The following CACNA2D3 variants were observed in gnomAD, a reference collection of about 807,000 sequenced individuals.
The protein encoded by CACNA2D3 is voltage-dependent calcium channel subunit alpha-2/delta-3.
CACNA2D3 carries 60 observed loss-of-function variants against 160.6 expected under a neutral mutation model. The observed-to-expected ratio is 0.37, with a 90% confidence interval of 0.30 to 0.46. The LOEUF (loss-of-function observed/expected upper bound fraction) is 0.46. CACNA2D3 is among the 20% of genes least tolerant of loss of function. The pLI, the probability that CACNA2D3 is intolerant of heterozygous loss-of-function variation, is 1.00. For missense variants in CACNA2D3, 1,205 were observed against 1,365.0 expected (o/e 0.88, Z 1.85); for synonymous variants, 558 against 492.9 (o/e 1.13, Z -1.75).
rs530306080 is a variant in CACNA2D3, at chr3:54,196,207, C to G, written c.204+72613C>G. Among the ~76,000 whole-genome samples the G allele has an allele frequency of 4.3e-4, 66 of 152,252 alleles. 2 individuals are homozygous for G. In the South Asian group the frequency reaches 0.013, roughly 31 times the overall value. ...TTCTAAACCATTTGCCTTTGATTCTCTTTTATATTATAGGTTGGACATACT... is the reference window on the plus strand; with the variant it reads ...TTCTAAACCATTTGCCTTTGATTCTGTTTTATATTATAGGTTGGACATACT... On this transcript the variant is annotated intron_variant, in intron 2 of 37. Transcript: ENST00000474759.
Position 54,905,870 on chromosome 3 carries a change from T to C in CACNA2D3, c.2449+6002T>C, listed in dbSNP as rs541115831. On this transcript the variant is annotated intron_variant, in intron 27 of 37. Coordinates refer to ENST00000474759, the MANE Select transcript of CACNA2D3 (RefSeq NM_018398.3). Reference sequence around the variant, plus strand: ...TGCTTTCAAATTCAGTGTTTTTCCTTATAGACTAACAATCTTGATTCATTT... The same window carrying C: ...TGCTTTCAAATTCAGTGTTTTTCCTCATAGACTAACAATCTTGATTCATTT... Among the ~76,000 whole-genome samples the C allele has an allele frequency of 7.4e-4, 112 of 152,326 alleles. 1 individual carries two copies. Among genetic ancestry groups the C allele is most frequent in the South Asian group, 6.4e-3 (31 of 4,826 alleles).
At chr3:54,897,509 T>A (rs543782331) in intron 26 of CACNA2D3, among the ~76,000 whole-genome samples, 2 of 152,334 alleles carry the variant, frequency 1.3e-5, no homozygotes, top group East Asian at 3.9e-4. Context: ...CGTATTTTTT[T>A]TTTCTCTTGC....
At position 54,310,614 on chromosome 3, in the gene CACNA2D3, A is replaced by G. The variant is rs1265762362; in HGVS notation, c.205-9828A>G. On this transcript the variant is annotated intron_variant, in intron 2 of 37. Coordinates refer to ENST00000474759, the MANE Select transcript of CACNA2D3 (RefSeq NM_018398.3). The stretch of plus-strand genomic sequence containing the variant: ...CTTGTGAATGTATTAGAAAAATGCC[A>G]TTGCCCAGAGCAACATCGGGAGCTA... 3.3e-5 allele frequency among the ~76,000 whole-genome samples: 5 copies of G among 152,176 alleles called. No individual in the cohort carries two copies. The East Asian group carries it at 9.6e-4, about 29-fold the overall frequency.
At chr3:54,475,972 C>G (rs1250849037) in intron 4 of CACNA2D3, among the ~76,000 whole-genome samples, 2 of 151,336 alleles carry the variant, frequency 1.3e-5, no homozygotes. Context: ...AAGTGTGTAT[C>G]CTTTGACCAA....
chr3:54,830,879 A>C lies in CACNA2D3; in HGVS notation c.1399-6280A>C, dbSNP rs372339881. On this transcript the variant is annotated intron_variant, in intron 14 of 37. Transcript: ENST00000474759. ...ACCCTAATGGCCACTAGATGGTGGC[A>C]GTGTCTTTTCATAGAGTGCAGGTTG... Among the ~76,000 whole-genome samples, 17 of 152,280 alleles carry C rather than the reference A, an allele frequency of 1.1e-4. No homozygotes were observed. In the East Asian group the frequency reaches 2.1e-3, roughly 19 times the overall value.
intron 17 of CACNA2D3, among the ~76,000 whole-genome samples, chr3:54,860,439 T>C (rs774539903): frequency 3.3e-5 from 5 of 152,302 alleles, no homozygotes; most frequent in Middle Eastern, 6.8e-3. Flanking sequence ...CTGGGACTTT[T>C]ATCTGACTCC....
chr3:54,808,807 T>G (rs1703203982), intron 13 of CACNA2D3, among the ~76,000 whole-genome samples: 1 of 152,142 alleles, frequency 6.6e-6, no homozygotes, highest in African/African-American at 2.4e-5. Context: ...GATGCAGCAG[T>G]GGCTCAGTGA....
chr3:54,198,826 G>A (rs1179101846), intron 2 of CACNA2D3, among the ~76,000 whole-genome samples: 1 of 152,258 alleles, frequency 6.6e-6, no homozygotes, highest in Non-Finnish European at 1.5e-5. Context: ...AGGTCTGGTC[G>A]GCACAGGCCA....
At chr3:54,459,242 G>C (rs1264706782) in intron 4 of CACNA2D3, among the ~76,000 whole-genome samples, 1 of 151,716 alleles carries the variant, frequency 6.6e-6, no homozygotes, top group Admixed American at 6.6e-5. Context: ...ATGTGTGCAT[G>C]TGTCTTTATA....
chr3:54,994,932 C>T (rs1178276290), intron 31 of CACNA2D3, among the ~76,000 whole-genome samples: 1 of 152,072 alleles, frequency 6.6e-6, no homozygotes, highest in Non-Finnish European at 1.5e-5. Flanking sequence ...CATATTTGCT[C>T]TGCCTTAAGA....
chr3:54,417,971 G>A (rs1699782196), intron 4 of CACNA2D3, among the ~76,000 whole-genome samples: 1 of 152,124 alleles, frequency 6.6e-6, no homozygotes, highest in African/African-American at 2.4e-5. Flanking sequence ...ATTTGTAATA[G>A]GAGACAGGGT....
intron 2 of CACNA2D3, among the ~76,000 whole-genome samples, chr3:54,269,140 G>A (rs1702571198): frequency 6.6e-6 from 1 of 152,114 alleles, no homozygotes; most frequent in African/African-American, 2.4e-5. Context: ...ACCACAGTTT[G>A]GGGCCTGGAT....
intron 2 of CACNA2D3, among the ~76,000 whole-genome samples, chr3:54,298,072 C>CGTAAGCCAAAGAGTATATACCAGTGTG (rs1406553886): frequency 1.3e-5 from 2 of 152,204 alleles, no homozygotes; most frequent in Admixed American, 1.3e-4. Context: ...GATGAATGAG[C>CGTAAGCCAAAGAGTATATACCAGTGTG]GTAAGCCAAA....
chr3:54,403,278 C>A, intron 4 of CACNA2D3, among the ~76,000 whole-genome samples: 1 of 151,538 alleles, frequency 6.6e-6, no homozygotes, highest in African/African-American at 2.4e-5. Context: ...TGGCTTAAAC[C>A]TGGGAGGCAG....
At chr3:54,939,282 A>G (rs1701401486) in intron 27 of CACNA2D3, among the ~76,000 whole-genome samples, 1 of 152,200 alleles carries the variant, frequency 6.6e-6, no homozygotes, top group South Asian at 2.1e-4. Context: ...TACTAAAGAG[A>G]AAATTGAAAC....
At chr3:54,185,424 T>C (rs1024931836) in intron 2 of CACNA2D3, among the ~76,000 whole-genome samples, 4 of 152,234 alleles carry the variant, frequency 2.6e-5, no homozygotes, top group African/African-American at 9.6e-5. Flanking sequence ...TGCTTAATTT[T>C]ACCCTGGCAT....
intron 2 of CACNA2D3, among the ~76,000 whole-genome samples, chr3:54,287,978 A>G (rs1032814054): frequency 2.1e-4 from 32 of 151,846 alleles, no homozygotes; most frequent in South Asian, 6.3e-4. Flanking sequence ...AAAGCAGGAA[A>G]GATCCAAAAT....
intron 5 of CACNA2D3, among the ~76,000 whole-genome samples, chr3:54,513,915 CA>C (rs1056199010): frequency 1.3e-5 from 2 of 152,140 alleles, no homozygotes; most frequent in African/African-American, 4.8e-5. Flanking sequence ...TCAAGTGATC[CA>C]CCTGCCTTGG....
chr3:54,496,425 T>C (rs191605117), intron 4 of CACNA2D3, among the ~76,000 whole-genome samples: 2 of 152,318 alleles, frequency 1.3e-5, no homozygotes, highest in Admixed American at 1.3e-4. Context: ...CACATGTTGG[T>C]CTGCGGATTG....
Sources: allele counts gnomAD v4.1 joint callset (sites outside exome capture counted in the v4.1 genomes callset), GRCh38; gene constraint gnomAD v4.1.1; transcripts MANE v1.5; gene names NCBI Gene and HGNC (gene_info 2026-07-23, HGNC 2026-07-21).